LARGE1: variants seen among roughly 807,000 people sequenced by gnomAD.
LARGE1 encodes xylosyl- and glucuronyltransferase LARGE1.
A neutral mutation model predicts 87.6 loss-of-function variants in LARGE1; 43 were observed. The observed-to-expected ratio is 0.49, with a 90% CI of 0.38 to 0.63. The LOEUF is 0.63. Among genes scored for constraint, LARGE1 ranks in the 30% least tolerant of loss-of-function variants. The pLI is 0.00. For missense variants in LARGE1, 802 were observed against 1,000.2 expected, an observed-to-expected ratio of 0.80 and a Z score of 2.67; for synonymous variants, 434 against 394.6, an observed-to-expected ratio of 1.10 and a Z score of -1.18.
chr22:33,173,070 G>C (rs200561538), intron 11 of LARGE1, among the ~76,000 whole-genome samples: 1 of 152,066 alleles, frequency 6.6e-6, no homozygotes, highest in Non-Finnish European at 1.5e-5. Context: ...GATTCACCAA[G>C]GTTGGAATGA....
chr22:33,749,734 T>C (rs901391180), intron 2 of LARGE1, among the ~76,000 whole-genome samples: 1 of 152,220 alleles, frequency 6.6e-6, no homozygotes, highest in African/African-American at 2.4e-5. Context: ...TACTGGCTTA[T>C]AAGAATCCTG....
At chr22:33,177,444 T>C (rs1447290626) in intron 11 of LARGE1, among the ~76,000 whole-genome samples, 1 of 152,196 alleles carries the variant, frequency 6.6e-6, no homozygotes, top group African/African-American at 2.4e-5. Flanking sequence ...ATCAGTTCAA[T>C]GTCAAAATCT....
intron 1 of LARGE1, among the ~76,000 whole-genome samples, chr22:33,829,175 A>C (rs535661161): frequency 6.6e-6 from 1 of 151,404 alleles, no homozygotes; most frequent in South Asian, 2.1e-4. Flanking sequence ...TGCCTGGCTA[A>C]TTTTTGTATT....
chr22:33,548,417 C>T (rs1042114579), intron 6 of LARGE1, among the ~76,000 whole-genome samples: 4 of 105,082 alleles, frequency 3.8e-5, no homozygotes, highest in African/African-American at 1.3e-4. Context: ...TCAGGCATTC[C>T]GTTTTTTTTT....
intron 2 of LARGE1, among the ~76,000 whole-genome samples, chr22:33,659,148 G>A (rs144320526): frequency 1.3e-5 from 2 of 152,182 alleles, no homozygotes; most frequent in East Asian, 1.9e-4. Flanking sequence ...CAGCTTCTCC[G>A]GTTTCTGGTT....
chr22:33,665,999 A>T (rs2081257831), intron 2 of LARGE1, among the ~76,000 whole-genome samples: 1 of 152,154 alleles, frequency 6.6e-6, no homozygotes. Context: ...AAAAGATCAA[A>T]TTGACTCCAA....
intron 9 of LARGE1, among the ~76,000 whole-genome samples, chr22:33,370,386 A>G (rs1259322638): frequency 6.6e-6 from 1 of 152,224 alleles, no homozygotes; most frequent in African/African-American, 2.4e-5. Flanking sequence ...CCCAGCTAAA[A>G]TGTAAACTCA....
intron 11 of LARGE1, among the ~76,000 whole-genome samples, chr22:33,265,372 C>G (rs1329032011): frequency 6.6e-6 from 1 of 152,188 alleles, no homozygotes; most frequent in Non-Finnish European, 1.5e-5. Flanking sequence ...CCATCTCCAG[C>G]TATCCTTGCT....
chr22:33,597,842 G>A (rs1233668042), intron 5 of LARGE1, among the ~76,000 whole-genome samples: 1 of 152,180 alleles, frequency 6.6e-6, no homozygotes, highest in African/African-American at 2.4e-5. Flanking sequence ...GTAGGGCCTT[G>A]TCTGAAAACT....
chr22:33,836,216 GC>G (rs10707505), intron 1 of LARGE1, among the ~76,000 whole-genome samples: 21,726 of 152,152 alleles, frequency 0.14, 1,670 homozygotes, highest in South Asian at 0.28. Context: ...TCTGGCTCTG[GC>G]CCCCATTCAC....
At position 33,920,407 on chromosome 22, in the gene LARGE1, A is replaced by T. The variant is rs2147020038; in HGVS notation, c.-495T>A. On this transcript the variant is annotated 5_prime_UTR_variant, in exon 1 of 15. Transcript: ENST00000397394. ...GGGCCTGCCCGCGAACAGCCCGGCG[A>T]GACGAGCGCGGCCGCGCCCCCAGCT... 6.7e-6 allele frequency: 1 copy of T among 149,590 alleles called. No individual in the cohort carries two copies. Among genetic ancestry groups the T allele is most frequent in the East Asian group, 2.1e-4 (1 of 4,860 alleles). The allele number at this position is 149,590 out of a possible 1,614,324, so 9.3% of individuals were successfully genotyped here.
chr22:33,299,656 C>A (rs1933878678), intron 12 of LARGE1, among the ~76,000 whole-genome samples: 1 of 152,150 alleles, frequency 6.6e-6, no homozygotes, highest in South Asian at 2.1e-4. Context: ...TGGGCACCCG[C>A]CATAGCCCCA....
intron 6 of LARGE1, among the ~76,000 whole-genome samples, chr22:33,438,938 C>T (rs141625537): frequency 0.017 from 2,643 of 152,102 alleles, 32 homozygotes; most frequent in Non-Finnish European, 0.029. Context: ...AGGCCGGGCG[C>T]GGTGGCTCAC....
chr22:33,709,228 A>C (rs2082652804), intron 2 of LARGE1, among the ~76,000 whole-genome samples: 1 of 152,148 alleles, frequency 6.6e-6, no homozygotes, highest in South Asian at 2.1e-4. Flanking sequence ...GATTCTCAGA[A>C]GCCACCCCGC....
chr22:33,514,935 C>T (rs904638153), intron 6 of LARGE1, among the ~76,000 whole-genome samples: 2 of 152,128 alleles, frequency 1.3e-5, no homozygotes, highest in Non-Finnish European at 2.9e-5. Flanking sequence ...ACTGTGTGAA[C>T]AGCATGAACC....
chr22:33,416,564 G>A (rs2066492002), intron 7 of LARGE1, among the ~76,000 whole-genome samples: 2 of 151,956 alleles, frequency 1.3e-5, no homozygotes, highest in Non-Finnish European at 2.9e-5. Context: ...TTGGGGGGCG[G>A]GGGAGGCAAT....
intron 11 of LARGE1, among the ~76,000 whole-genome samples, chr22:33,211,711 T>G (rs759004037): frequency 6.6e-5 from 10 of 152,032 alleles, no homozygotes; most frequent in Admixed American, 1.3e-4. Context: ...AGACGGCGGC[T>G]GCAGTGAGCC....
chr22:33,722,986 A>G (rs536379643), intron 2 of LARGE1, among the ~76,000 whole-genome samples: 89 of 152,272 alleles, frequency 5.8e-4, no homozygotes, highest in African/African-American at 2.0e-3. Flanking sequence ...GCCACTAACA[A>G]TATCTGGCCT....
chr22:33,536,090 C>T (rs2077034884), intron 6 of LARGE1, among the ~76,000 whole-genome samples: 1 of 152,182 alleles, frequency 6.6e-6, no homozygotes, highest in Non-Finnish European at 1.5e-5. Context: ...ATCTGCAGGG[C>T]ATTACAATAC....
Sources: gnomAD v4.1 joint callset for allele counts (sites outside exome capture counted in the v4.1 genomes callset) on GRCh38, gnomAD v4.1.1 for gene constraint, MANE v1.5 for transcripts, NCBI Gene and HGNC (gene_info 2026-07-23, HGNC 2026-07-21) for gene names.